TAF5: variants seen among roughly 807,000 people sequenced by gnomAD.
TAF5 encodes the protein TATA-box binding protein associated factor 5.
In TAF5, 20 loss-of-function variants were observed where a neutral mutation model predicts 80.9. The ratio of observed to expected loss-of-function variants is 0.25; its 90% CI spans 0.17 to 0.36. The LOEUF is 0.36. Ranked by LOEUF, TAF5 falls within the 10% of genes least tolerant of loss-of-function variation. TAF5 has a pLI of 1.00. For synonymous variants in TAF5, 388 were observed against 406.4 expected (o/e 0.95, Z 0.55); for missense variants, 863 against 1,029.4 (o/e 0.84, Z 2.21).
chr10:103,380,707 C>T (rs912826935), intron 5 of TAF5, among the ~76,000 whole-genome samples: 8 of 151,380 alleles, frequency 5.3e-5, no homozygotes, highest in Non-Finnish European at 1.2e-4. Flanking sequence ...CTCTGCCTCC[C>T]GGGTTCAAAC....
In TAF5 at chr10:103,388,329, A is replaced by C; in HGVS notation, c.*106A>C. 9.9e-7 allele frequency: 1 copy of C among 1,015,142 alleles called. No individual in the cohort carries two copies. Among genetic ancestry groups the C allele is most frequent in the Non-Finnish European group, 1.4e-6 (1 of 701,212 alleles). 62.9% of individuals were successfully genotyped at this position (1,015,142 alleles called of 1,614,324 possible). A position where few individuals can be genotyped will look rare whatever the true frequency, so the allele number is the denominator to read the frequency against. On this transcript the variant is annotated 3_prime_UTR_variant, in exon 11 of 11. Transcript: ENST00000369839. ...TAAGCTACAGAGAATGTTTTTGTCTATATGGATCTGGAAGTATGCTGCTTG... is the reference window on the plus strand; with the variant it reads ...TAAGCTACAGAGAATGTTTTTGTCTCTATGGATCTGGAAGTATGCTGCTTG...
At chr10:103,379,505 G>T in intron 3 of TAF5, 103 bp from the exon 4 acceptor site, 1 of 1,042,754 alleles carries the variant, frequency 9.6e-7, no homozygotes, top group Non-Finnish European at 1.4e-6. Context: ...CTGCTTCAGA[G>T]TGTAAATTAC....
chr10:103,373,512 A>T lies in TAF5; in HGVS notation c.714A>T (p.Gln238His), dbSNP rs751739494. The change falls in exon 2 of 11, where the codon CAA (glutamine) becomes CAT (histidine). Residue 238 changes from glutamine to histidine, a missense_variant. Gln to His is a conservative substitution (Grantham distance 24, BLOSUM62 0). Transcript: ENST00000369839. ...SLDCHRAELS[Q>H]LFYPLFVHMY... ...ACTGCCATCGGGCAGAGTTGTCCCA[A>T]CTTTTTTATCCTCTGTTTGTGCACA... 1 of 1,614,164 alleles carries T rather than the reference A, an allele frequency of 6.2e-7. No individual in the cohort carries two copies. The highest frequency in any genetic ancestry group is 1.1e-5 in the South Asian group (1 of 91,082).
intron 2 of TAF5, 104 bp downstream of exon 2, chr10:103,373,699 TAAA>T: frequency 1.2e-6 from 1 of 854,460 alleles, no homozygotes; most frequent in Non-Finnish European, 1.8e-6. Context: ...GACTGCAACT[TAAA>T]AAGTACGTTG....
intron 2 of TAF5, 38 bp downstream of exon 2, chr10:103,373,633 C>T (rs751686194): frequency 9.7e-6 from 14 of 1,447,910 alleles, no homozygotes; most frequent in African/African-American, 5.7e-5. Flanking sequence ...TACACACATA[C>T]GTAGTGTGTG....
In TAF5 at chr10:103,373,611, C is replaced by CATAT. The variant is rs376602897; in HGVS notation, c.797+26_797+29dup. ...TCTTTGAGAAGTATGTAAATTTTTA[C>CATAT]ATATATATATATACACACATACGTA... On this transcript the variant is annotated intron_variant, in intron 2 of 10. Transcript: ENST00000369839. 2.3e-5 allele frequency: 36 copies of CATAT among 1,532,620 alleles called. No homozygotes were observed. Among genetic ancestry groups the CATAT allele is most frequent in the East Asian group, 4.6e-5 (2 of 43,458 alleles). The allele number at this position is 1,532,620 out of a possible 1,614,324, so 94.9% of individuals were successfully genotyped here.
intron 3 of TAF5, among the ~76,000 whole-genome samples, chr10:103,379,206 CTT>C (rs975264587): frequency 6.6e-6 from 1 of 152,214 alleles, no homozygotes; most frequent in African/African-American, 2.4e-5. Flanking sequence ...TGGCTTTCCT[CTT>C]TGTGCTCACA....
intron 8 of TAF5, among the ~76,000 whole-genome samples, chr10:103,386,921 CCAA>C (rs2093397827): frequency 6.6e-6 from 1 of 151,606 alleles, no homozygotes; most frequent in African/African-American, 2.4e-5. Context: ...CCTCGGCCTC[CCAA>C]AGTGCTAGAA....
intron 7 of TAF5, among the ~76,000 whole-genome samples, chr10:103,384,536 C>T (rs1469593137): frequency 6.6e-6 from 1 of 152,078 alleles, no homozygotes; most frequent in Non-Finnish European, 1.5e-5. Context: ...GAGGCCGAGG[C>T]AGGAAAGTCA....
At chr10:103,382,490 C>G (rs2093385115) in intron 6 of TAF5, among the ~76,000 whole-genome samples, 1 of 151,958 alleles carries the variant, frequency 6.6e-6, no homozygotes, top group Non-Finnish European at 1.5e-5. Context: ...TCCCAAAGTG[C>G]TGGAATTATA....
At chr10:103,380,722 C>T (rs959547117) in intron 5 of TAF5, among the ~76,000 whole-genome samples, 8 of 150,152 alleles carry the variant, frequency 5.3e-5, no homozygotes, top group Non-Finnish European at 7.4e-5. Context: ...TCAAACGATT[C>T]TTGTGCCTCA....
rs963394366 is a variant in TAF5 at position 103,378,007 on chromosome 10, G to A, written c.798-228G>A. On this transcript the variant is annotated intron_variant, in intron 2 of 10. Coordinates refer to ENST00000369839, the MANE Select transcript of TAF5 (RefSeq NM_006951.5). This position sits in a 1 kb window ranked among gnomAD's most constrained non-coding sequence, Gnocchi z 4.1. ...GATATTTAAGTTCTTTTCTTAAAAT[G>A]TTTGTGATACATTTCATTAGAGAAT... 6.6e-6 allele frequency among the ~76,000 whole-genome samples: 1 copy of A among 152,120 alleles called. No homozygotes were observed. Among genetic ancestry groups the A allele is most frequent in the Non-Finnish European group, 1.5e-5 (1 of 68,012 alleles).
rs547605081 is a variant in TAF5 at position 103,385,973 on chromosome 10, T to C, written c.1829+483T>C. Among the ~76,000 whole-genome samples, 5 of 138,266 alleles carry C rather than the reference T, an allele frequency of 3.6e-5. No homozygotes were observed. The Admixed American group carries it at 3.7e-4, about 10-fold the overall frequency. The allele number at this position is 138,266 out of a possible 152,430, so 90.7% of individuals were successfully genotyped here. A position where few individuals can be genotyped will look rare whatever the true frequency, so the allele number is the denominator to read the frequency against. ...AAAAGAAAAGAAATTGGGGCAGGAG[T>C]ATTATTATATCTGCAATTACATCTA... On this transcript the variant is annotated intron_variant, in intron 8 of 10. Transcript: ENST00000369839.
chr10:103,385,634 T>A, intron 8 of TAF5, 144 bp downstream of exon 8: 1 of 1,015,030 alleles, frequency 9.9e-7, no homozygotes, highest in Non-Finnish European at 1.4e-6. Flanking sequence ...ATAACTTATT[T>A]GAAATTGGGG....
chr10:103,368,679 C>A, intron 1 of TAF5, 131 bp downstream of exon 1: 5 of 1,236,838 alleles, frequency 4.0e-6, no homozygotes, highest in Non-Finnish European at 5.3e-6. Flanking sequence ...GCCACATGCC[C>A]GCCCCTTTCT....
At position 103,385,321 on chromosome 10, in the gene TAF5, C is replaced by T; in HGVS notation, c.1665-5C>T. 1 of 1,603,370 alleles carries T rather than the reference C, an allele frequency of 6.2e-7. No individual in the cohort carries two copies. Among genetic ancestry groups the T allele is most frequent in the Non-Finnish European group, 8.5e-7 (1 of 1,171,594 alleles). The stretch of plus-strand genomic sequence containing the variant: ...AGTCAAATATATCACCTTCTCTTCT[C>T]TCAGGAACTATCTGCTTTCCTCTTC... On this transcript the variant is annotated splice_polypyrimidine_tract_variant and splice_region_variant and intron_variant, in intron 7 of 10. Transcript: ENST00000369839.
chr10:103,373,254 G>C, intron 1 of TAF5, 104 bp from the exon 2 acceptor site: 1 of 853,848 alleles, frequency 1.2e-6, no homozygotes, highest in Non-Finnish European at 1.9e-6. Flanking sequence ...GGAAGAAAGA[G>C]ACAACAGTCT....
In TAF5 at chr10:103,379,773, T is replaced by C; in HGVS notation, c.1277+2T>C. 1 of 1,592,374 alleles carries C rather than the reference T, an allele frequency of 6.3e-7. No homozygotes were observed. Among genetic ancestry groups the C allele is most frequent in the Non-Finnish European group, 8.5e-7 (1 of 1,174,286 alleles). ...TCCCAATGCTCCACCTCAGAACAGG[T>C]GAGGAAAAAACTTCAGGAACTTGTG... On this transcript the variant is annotated splice_donor_variant, in intron 4 of 10. Coordinates refer to ENST00000369839, the MANE Select transcript of TAF5 (RefSeq NM_006951.5). LOFTEE classifies it high-confidence loss of function.
chr10:103,387,121 G>T, intron 8 of TAF5, 54 bp from the exon 9 acceptor site: 4 of 1,527,902 alleles, frequency 2.6e-6, no homozygotes, highest in East Asian at 4.5e-5. Flanking sequence ...GATTTTTGGC[G>T]TTTCACAGCT....
Sources: allele counts gnomAD v4.1 joint callset (sites outside exome capture counted in the v4.1 genomes callset), GRCh38; gene constraint gnomAD v4.1.1; non-coding constraint Gnocchi (gnomAD v3.1); transcripts MANE v1.5; gene names NCBI Gene and HGNC (gene_info 2026-07-23, HGNC 2026-07-21).